The following EIF4B variants were observed in gnomAD, a reference collection of about 807,000 sequenced individuals.
EIF4B encodes the protein eukaryotic translation initiation factor 4B.
Under a neutral mutation model 79.3 loss-of-function variants are expected in EIF4B, and 8 were observed. The ratio of observed to expected loss-of-function variants is 0.10; its 90% confidence interval spans 0.06 to 0.18. The LOEUF (loss-of-function observed/expected upper bound fraction) is 0.18, where lower values mean the gene tolerates loss of function less well. EIF4B is among the 10% of genes least tolerant of loss of function. The pLI, the probability that EIF4B is intolerant of heterozygous loss-of-function variation, is 1.00. For synonymous variants in EIF4B, 238 were observed against 274.7 expected (o/e 0.87, Z 1.32); for missense variants, 515 against 792.4 (o/e 0.65, Z 4.20).
intron 1 of EIF4B, among the ~76,000 whole-genome samples, chr12:53,009,748 A>G (rs1228981558): frequency 1.3e-5 from 2 of 152,176 alleles, no homozygotes; most frequent in Non-Finnish European, 2.9e-5. Flanking sequence ...TATCATGTAT[A>G]TGTTATTCTG....
At chr12:53,024,402 G>C (rs1443239610) in intron 6 of EIF4B, among the ~76,000 whole-genome samples, 1 of 152,172 alleles carries the variant, frequency 6.6e-6, no homozygotes, top group Non-Finnish European at 1.5e-5. Context: ...TAGTATTAAT[G>C]CATAAGTTGT....
intron 14 of EIF4B, 76 bp downstream of exon 14, chr12:53,039,778 T>A: frequency 6.7e-7 from 1 of 1,483,316 alleles, no homozygotes; most frequent in Non-Finnish European, 9.1e-7. Flanking sequence ...TACTAAGAAT[T>A]AAAAATTCTT....
rs748976104 is a variant in EIF4B, at chr12:53,037,562, G to C, written c.1460G>C (p.Arg487Pro). The C allele has an allele frequency of 6.2e-7, 1 of 1,613,882 alleles. No homozygotes were observed. The highest frequency in any genetic ancestry group is 8.5e-7 in the Non-Finnish European group (1 of 1,179,876). The stretch of plus-strand genomic sequence containing the variant: ...CCAAAGGAGAATGCTTGGGTGAAGC[G>C]AAGTTCTAACCCTCCTGCTCGATCT... ...PPPKENAWVK[R>P]SSNPPARSQS... The change falls in exon 11 of 15, where the codon CGA becomes CCA. Residue 487 changes from arginine to proline, a missense_variant. This residue lies in a region of EIF4B where 146 missense variants were observed against 228.0 expected (regional missense o/e 0.64). Transcript: ENST00000262056.
At position 53,041,363 on chromosome 12, in the gene EIF4B, TA is replaced by T. The variant is rs1943634044; in HGVS notation, c.*1143del. On this transcript the variant is annotated 3_prime_UTR_variant, in exon 15 of 15. Transcript: ENST00000262056. ...ATAATGGATGGTCTTGGATGATGGA[TA>T]AATAGGGACAGGGACAGTTAAATTG... 1 of 152,224 alleles carries T rather than the reference TA, an allele frequency of 6.6e-6. No homozygotes were observed. The highest frequency in any genetic ancestry group is 1.5e-5 in the Non-Finnish European group (1 of 68,044). The allele number at this position is 152,224 out of a possible 1,614,324, so 9.4% of individuals were successfully genotyped here.
intron 10 of EIF4B, 106 bp from the exon 11 acceptor site, chr12:53,037,303 G>T: frequency 7.9e-7 from 1 of 1,268,216 alleles, no homozygotes; most frequent in Non-Finnish European, 1.1e-6. Flanking sequence ...ATCCATCTTT[G>T]GGAGCCAAAA....
intron 8 of EIF4B, among the ~76,000 whole-genome samples, chr12:53,032,360 G>A (rs1943461199): frequency 6.6e-6 from 1 of 152,144 alleles, no homozygotes; most frequent in South Asian, 2.1e-4. Flanking sequence ...GAAAATCAGG[G>A]AGGCAGAGGT....
intron 1 of EIF4B, among the ~76,000 whole-genome samples, chr12:53,010,465 G>A (rs1943045318): frequency 6.6e-6 from 1 of 152,118 alleles, no homozygotes; most frequent in African/African-American, 2.4e-5. Flanking sequence ...TCTATATAGT[G>A]CAGTAAAGGT....
chr12:53,020,032 G>A lies in EIF4B; in HGVS notation c.477+6G>A, dbSNP rs745645131. ...CCCTGAGTCTCAATGAAGAGGTAAA[G>A]AAAATAAGAGTGGGGATATGAGGGG... On this transcript the variant is annotated splice_donor_region_variant and intron_variant, in intron 4 of 14. Coordinates refer to ENST00000262056, the MANE Select transcript of EIF4B (RefSeq NM_001417.7). 18 of 1,598,130 alleles carry A rather than the reference G, an allele frequency of 1.1e-5. No homozygotes were observed. In the Admixed American group the frequency reaches 1.3e-4, roughly 11 times the overall value.
chr12:53,033,720 A>G lies in EIF4B; in HGVS notation c.980-86A>G, dbSNP rs1238191341. 6 of 1,378,728 alleles carry G rather than the reference A, an allele frequency of 4.4e-6. No individual in the cohort carries two copies. The East Asian group carries it at 1.2e-4, about 27-fold the overall frequency. The allele number at this position is 1,378,728 out of a possible 1,614,324, so 85.4% of individuals were successfully genotyped here. On this transcript the variant is annotated intron_variant, in intron 8 of 14. Transcript: ENST00000262056. Reference sequence around the variant, plus strand: ...TAACTTGAATCTCATGTAGCATTTCATAGGAGTTATATCTGAGAAATCTGG... The same window carrying G: ...TAACTTGAATCTCATGTAGCATTTCGTAGGAGTTATATCTGAGAAATCTGG...
chr12:53,032,951 G>A (rs1209534072), intron 8 of EIF4B, among the ~76,000 whole-genome samples: 2 of 152,086 alleles, frequency 1.3e-5, no homozygotes, highest in Admixed American at 1.3e-4. Flanking sequence ...GATTACAGGC[G>A]TGAGCCATTG....
rs1489706401 is a variant in EIF4B at position 53,016,473 on chromosome 12, C to T, written c.14C>T (p.Ala5Val). The change falls in exon 2 of 15, where the codon GCA (alanine) becomes GTA (valine). Residue 5 changes from alanine (A) to valine (V), a missense_variant and splice_region_variant. Ala to Val is a moderately conservative substitution (Grantham distance 64). Around this residue, in one of 6 missense-constraint regions of EIF4B, gnomAD observed 105 missense variants for 177.2 expected, o/e 0.59. Transcript: ENST00000262056. ...ATCTTTCTCTTGCCTTTTAAAACAGCAAAAAAGAAGAATAAGAAGGGGAAG... is the reference window on the plus strand; with the variant it reads ...ATCTTTCTCTTGCCTTTTAAAACAGTAAAAAAGAAGAATAAGAAGGGGAAG... Reference protein sequence around the residue: MAASAKKKNKKGKTI... With the variant: MAASVKKKNKKGKTI... 2.5e-6 allele frequency: 4 copies of T among 1,611,830 alleles called. No individual in the cohort carries two copies. The highest frequency in any genetic ancestry group is 1.3e-5 in the African/African-American group (1 of 74,798).
intron 1 of EIF4B, 96 bp downstream of exon 1, chr12:53,006,592 TG>T: frequency 6.2e-7 from 1 of 1,602,098 alleles, no homozygotes. Context: ...TTGCTGGCAC[TG>T]GTTCCTTTCT....
chr12:53,024,828 G>A (rs1943307733), intron 6 of EIF4B, among the ~76,000 whole-genome samples: 1 of 151,956 alleles, frequency 6.6e-6, no homozygotes, highest in South Asian at 2.1e-4. Context: ...GCTAATTTTT[G>A]TATTTTTTAG....
At chr12:53,019,437 A>ATTTTTTTTTTTTTT (rs1337954535) in intron 3 of EIF4B, among the ~76,000 whole-genome samples, 1 of 51,002 alleles carries the variant, frequency 2.0e-5, no homozygotes, top group African/African-American at 6.6e-5. Context: ...ATATATATAT[A>ATTTTTTTTTTTTTT]TTTTTTTTTT....
intron 8 of EIF4B, among the ~76,000 whole-genome samples, chr12:53,033,200 C>T (rs1218848151): frequency 6.8e-6 from 1 of 147,602 alleles, no homozygotes; most frequent in Admixed American, 6.8e-5. Context: ...TTTATTTTTA[C>T]TAGAGACGGG....
intron 1 of EIF4B, among the ~76,000 whole-genome samples, chr12:53,011,933 ATTG>A (rs1436787683): frequency 6.6e-6 from 1 of 152,252 alleles, no homozygotes; most frequent in Admixed American, 6.5e-5. Flanking sequence ...GGACCAGTTC[ATTG>A]TTGAATTGCA....
rs1210893432 is a variant in EIF4B, at chr12:53,023,578, ATT to A, written c.667+972_667+973del. On this transcript the variant is annotated intron_variant, in intron 6 of 14. Coordinates refer to ENST00000262056, the MANE Select transcript of EIF4B (RefSeq NM_001417.7). ...TTGTAGCAAACAATTAAAATGTAAA[ATT>A]TTTTTTTTTTTTTTTTTTTTGAGAC... Among the ~76,000 whole-genome samples, 326 of 109,182 alleles carry A rather than the reference ATT, an allele frequency of 3.0e-3. 2 individuals carry two copies. The highest frequency in any genetic ancestry group is 0.01 in the African/African-American group (281 of 27,282). 71.6% of individuals were successfully genotyped at this position (109,182 alleles called of 152,430 possible).
At chr12:53,013,146 A>C (rs1406965171) in intron 1 of EIF4B, among the ~76,000 whole-genome samples, 14 of 152,260 alleles carry the variant, frequency 9.2e-5, no homozygotes, top group Non-Finnish European at 1.0e-4. Context: ...ACTAAAGGGC[A>C]GATTAATTCC....
At chr12:53,013,325 G>T (rs1943095921) in intron 1 of EIF4B, among the ~76,000 whole-genome samples, 1 of 152,148 alleles carries the variant, frequency 6.6e-6, no homozygotes, top group Non-Finnish European at 1.5e-5. Context: ...ATTAGCTGAT[G>T]GTACTAGATT....
Sources: allele counts gnomAD v4.1 joint callset (sites outside exome capture counted in the v4.1 genomes callset), GRCh38; gene constraint gnomAD v4.1.1; regional missense constraint gnomAD v4.1.1; transcripts MANE v1.5; gene names NCBI Gene and HGNC (gene_info 2026-07-23, HGNC 2026-07-21).